The following PCSK5 variants were observed in gnomAD, a reference collection of about 807,000 sequenced individuals.
The protein encoded by PCSK5 is proprotein convertase subtilisin/kexin type 5.
PCSK5 carries 129 observed loss-of-function variants against 233.2 expected under a neutral mutation model. The ratio of observed to expected loss-of-function variants is 0.55; its 90% CI spans 0.48 to 0.64. PCSK5 has a LOEUF of 0.64. Among genes scored for constraint, PCSK5 ranks in the 30% least tolerant of loss-of-function variants. The pLI, the probability that PCSK5 is intolerant of heterozygous loss-of-function variation, is 0.00. For synonymous variants in PCSK5, 825 were observed against 879.2 expected, an observed-to-expected ratio of 0.94 and a Z score of 1.09; for missense variants, 2,076 against 2,430.1, an observed-to-expected ratio of 0.85 and a Z score of 3.06.
Position 76,328,236 on chromosome 9 carries a change from C to G in PCSK5, c.4567C>G (p.Leu1523Val), listed in dbSNP as rs749403081. ...CQTCPMNSLLLNTTCVKDCPE... is the reference protein window; with the variant it reads ...CQTCPMNSLLVNTTCVKDCPE... ...AACATGCCCCATGAACAGCCTTCTT[C>G]TCAGTGAGTTACTTCTCCGAGGACA... The change falls in exon 33 of 38, where the codon CTC (leucine) becomes GTC (valine). Residue 1523 changes from leucine to valine, a missense_variant. By Grantham distance (32) the Leu-to-Val change is conservative. Around this residue, in one of 6 missense-constraint regions of PCSK5, gnomAD observed 1,510 missense variants for 1,538.1 expected, o/e 0.98. Coordinates refer to ENST00000674117, the MANE Select transcript of PCSK5 (RefSeq NM_001372043.1). 1 of 1,606,232 alleles carries G rather than the reference C, an allele frequency of 6.2e-7. No individual in the cohort carries two copies. Among genetic ancestry groups the G allele is most frequent in the African/African-American group, 1.3e-5 (1 of 74,924 alleles).
intron 7 of PCSK5, among the ~76,000 whole-genome samples, chr9:76,081,476 C>T (rs111384307): frequency 5.9e-4 from 82 of 138,416 alleles, no homozygotes; most frequent in Middle Eastern, 4.1e-3. Flanking sequence ...AATAAATAAA[C>T]AAACAAACAA....
chr9:76,179,510 A>T, intron 14 of PCSK5, 86 bp from the exon 15 acceptor site: 1 of 893,828 alleles, frequency 1.1e-6, no homozygotes, highest in Non-Finnish European at 1.8e-6. Flanking sequence ...GAAAAAAAAA[A>T]GTCTTATTTT....
intron 20 of PCSK5, among the ~76,000 whole-genome samples, chr9:76,191,166 A>G (rs912618293): frequency 2.6e-5 from 4 of 152,206 alleles, no homozygotes; most frequent in Non-Finnish European, 4.4e-5. Context: ...ATTTGTTTAA[A>G]CTATTGTTGT....
At chr9:75,916,207 CT>C (rs201362101) in intron 1 of PCSK5, among the ~76,000 whole-genome samples, 1 of 152,154 alleles carries the variant, frequency 6.6e-6, no homozygotes, top group South Asian at 2.1e-4. Context: ...CGAATATGTA[CT>C]TTAGCATTTA....
At chr9:76,231,034 G>T (rs1162187132) in intron 21 of PCSK5, among the ~76,000 whole-genome samples, 2 of 152,028 alleles carry the variant, frequency 1.3e-5, no homozygotes, top group Non-Finnish European at 2.9e-5. Flanking sequence ...GTACTAGATT[G>T]TTCTCATGCT....
At chr9:76,034,292 A>G (rs1828764485) in intron 5 of PCSK5, among the ~76,000 whole-genome samples, 1 of 152,108 alleles carries the variant, frequency 6.6e-6, no homozygotes, top group Non-Finnish European at 1.5e-5. Context: ...CACTATGTTT[A>G]TTCCCCTTCT....
chr9:76,111,496 A>C (rs915943131), intron 9 of PCSK5, among the ~76,000 whole-genome samples: 2 of 152,202 alleles, frequency 1.3e-5, no homozygotes, highest in African/African-American at 4.8e-5. Flanking sequence ...CTTTAATCTT[A>C]AAAGAGAGGG....
chr9:75,953,790 G>A (rs1210974543), intron 2 of PCSK5, among the ~76,000 whole-genome samples: 6 of 151,812 alleles, frequency 4.0e-5, no homozygotes, highest in African/African-American at 1.5e-4. Context: ...TTTTGAAACT[G>A]TAAGTCAGAG....
At chr9:75,931,265 TTTTA>T (rs1377996613) in intron 1 of PCSK5, among the ~76,000 whole-genome samples, 3 of 151,472 alleles carry the variant, frequency 2.0e-5, no homozygotes, top group Non-Finnish European at 4.4e-5. Flanking sequence ...TTTTTTTTTT[TTTTA>T]AATTAGGAAA....
At chr9:76,154,567 A>G (rs1382763342) in intron 10 of PCSK5, among the ~76,000 whole-genome samples, 1 of 152,122 alleles carries the variant, frequency 6.6e-6, no homozygotes, top group African/African-American at 2.4e-5. Flanking sequence ...TCCCTTCTCC[A>G]CGCCCCCAAC....
chr9:76,151,343 G>T (rs954989920), intron 10 of PCSK5, among the ~76,000 whole-genome samples: 4 of 152,258 alleles, frequency 2.6e-5, no homozygotes, highest in African/African-American at 9.6e-5. Context: ...TTTTATTCTG[G>T]TGGTTTACTT....
At chr9:76,279,691 T>C (rs1827808023) in intron 24 of PCSK5, among the ~76,000 whole-genome samples, 1 of 152,140 alleles carries the variant, frequency 6.6e-6, no homozygotes, top group Non-Finnish European at 1.5e-5. Context: ...TCACATGTTT[T>C]TTGGCTGCAT....
intron 19 of PCSK5, 81 bp downstream of exon 19, chr9:76,189,304 T>C (rs1824254541): frequency 4.9e-6 from 5 of 1,029,834 alleles, no homozygotes; most frequent in Admixed American, 4.8e-5. Flanking sequence ...ATAAGAAAAC[T>C]TAGAATTTGT....
intron 35 of PCSK5, among the ~76,000 whole-genome samples, chr9:76,343,320 G>A (rs576830568): frequency 5.8e-4 from 85 of 146,426 alleles, no homozygotes; most frequent in African/African-American, 1.2e-3. Flanking sequence ...ACACACCACC[G>A]CACCTGGGTA....
At position 75,890,980 on chromosome 9, in the gene PCSK5, C is replaced by G. The variant is rs1177727678; in HGVS notation, c.-202C>G. ...GCTGGGAGCACAGGTCCCGGCAGCC[C>G]CAGGGATGGTCTAGGAGCCGGCGTA... On this transcript the variant is annotated 5_prime_UTR_variant, in exon 1 of 38. Coordinates refer to ENST00000674117, the MANE Select transcript of PCSK5 (RefSeq NM_001372043.1). The G allele has an allele frequency of 2.3e-6, 1 of 426,390 alleles. No homozygotes were observed. Among genetic ancestry groups the G allele is most frequent in the African/African-American group, 2.1e-5 (1 of 48,648 alleles). 26.4% of individuals were successfully genotyped at this position (426,390 alleles called of 1,614,324 possible). A position where few individuals can be genotyped will look rare whatever the true frequency, so the allele number is the denominator to read the frequency against.
At chr9:76,118,247 G>T (rs1217923633) in intron 9 of PCSK5, among the ~76,000 whole-genome samples, 1 of 151,990 alleles carries the variant, frequency 6.6e-6, no homozygotes, top group African/African-American at 2.4e-5. Context: ...GTGTTCAGGG[G>T]TCACCAGGCA....
At chr9:76,218,885 G>A (rs1321784075) in intron 20 of PCSK5, among the ~76,000 whole-genome samples, 2 of 152,124 alleles carry the variant, frequency 1.3e-5, no homozygotes, top group Admixed American at 1.3e-4. Flanking sequence ...TCCACACTTC[G>A]TCTTTTTGAA....
At chr9:75,919,086 C>G (rs183334655) in intron 1 of PCSK5, among the ~76,000 whole-genome samples, 227 of 152,296 alleles carry the variant, frequency 1.5e-3, no homozygotes, top group Non-Finnish European at 1.0e-3. Flanking sequence ...TCCTTTGCCT[C>G]GGAAAATTCC....
intron 5 of PCSK5, among the ~76,000 whole-genome samples, chr9:76,052,355 T>C (rs887633682): frequency 4.0e-5 from 6 of 150,302 alleles, no homozygotes; most frequent in African/African-American, 1.5e-4. Flanking sequence ...GAAAAGGAGG[T>C]TTAATGGACT....
Sources: allele counts gnomAD v4.1 joint callset (sites outside exome capture counted in the v4.1 genomes callset), GRCh38; gene constraint gnomAD v4.1.1; regional missense constraint gnomAD v4.1.1; transcripts MANE v1.5; gene names NCBI Gene and HGNC (gene_info 2026-07-23, HGNC 2026-07-21).